Variants in KIAA0319L observed in about 807,000 individuals in gnomAD.
KIAA0319L encodes dyslexia-associated protein KIAA0319-like protein.
A neutral mutation model predicts 120.1 loss-of-function variants in KIAA0319L; 55 were observed. The ratio of observed to expected loss-of-function variants is 0.46; its 90% CI spans 0.37 to 0.57. The LOEUF is 0.57. KIAA0319L is among the 20% of genes least tolerant of loss of function. The probability of loss-of-function intolerance (pLI) is 0.00; values close to 1 mark genes in which losing one functional copy is unlikely to be tolerated. For missense variants in KIAA0319L, 1,049 were observed against 1,255.3 expected (o/e 0.84, Z 2.48); for synonymous variants, 398 against 471.9 (o/e 0.84, Z 2.03).
intron 2 of KIAA0319L, among the ~76,000 whole-genome samples, chr1:35,535,184 A>AGAG (rs1259659092): frequency 6.6e-6 from 1 of 152,024 alleles, no homozygotes; most frequent in Non-Finnish European, 1.5e-5. Flanking sequence ...TATAGGCAGA[A>AGAG]GAGTAGGGGA....
chr1:35,495,192 G>A (rs1187366854), intron 3 of KIAA0319L, among the ~76,000 whole-genome samples: 1 of 152,044 alleles, frequency 6.6e-6, no homozygotes, highest in African/African-American at 2.4e-5. Context: ...GGCCAACATG[G>A]TGAAACCCCA....
chr1:35,535,931 T>C (rs1017216017), intron 2 of KIAA0319L, among the ~76,000 whole-genome samples: 4 of 152,236 alleles, frequency 2.6e-5, no homozygotes, highest in Non-Finnish European at 5.9e-5. Context: ...GGAGCTTTCT[T>C]GTTAATTTTA....
rs16866290 is a variant in KIAA0319L at position 35,543,133 on chromosome 1, T to C, written c.142+11217A>G. On this transcript the variant is annotated intron_variant, in intron 2 of 20. Coordinates refer to ENST00000325722, the MANE Select transcript of KIAA0319L (RefSeq NM_024874.5). ...ATTTCACTGAGAGAGAGACCAACTT[T>C]AGCAAATTCTGATTGGCCTTACTTA... Among the ~76,000 whole-genome samples the C allele has an allele frequency of 9.6e-3, 1,456 of 152,354 alleles. 31 individuals carry two copies. Among genetic ancestry groups the C allele is most frequent in the African/African-American group, 0.033 (1,385 of 41,580 alleles).
intron 2 of KIAA0319L, among the ~76,000 whole-genome samples, chr1:35,513,295 T>A (rs1189090051): frequency 2.5e-3 from 323 of 130,240 alleles, no homozygotes; most frequent in African/African-American, 4.7e-3. Flanking sequence ...TATATTTTTT[T>A]TTTTTTTTTT....
intron 6 of KIAA0319L, among the ~76,000 whole-genome samples, chr1:35,467,846 T>C (rs1183893761): frequency 2.6e-5 from 4 of 151,956 alleles, no homozygotes; most frequent in Non-Finnish European, 4.4e-5. Context: ...GCACCACCAT[T>C]CCCAGCTAAT....
intron 3 of KIAA0319L, among the ~76,000 whole-genome samples, chr1:35,502,421 GTCATCATCATCATCATCA>G (rs138233952): frequency 1.3e-5 from 2 of 149,834 alleles, no homozygotes; most frequent in African/African-American, 2.5e-5. Context: ...TATTGCTGCT[GTCATCATCATCATCATCA>G]TCATCATCAT....
At chr1:35,491,206 CT>C (rs1205190178) in intron 3 of KIAA0319L, among the ~76,000 whole-genome samples, 2 of 152,028 alleles carry the variant, frequency 1.3e-5, no homozygotes, top group African/African-American at 4.8e-5. Flanking sequence ...CGAAAAAAGA[CT>C]GAAAATAAAC....
chr1:35,525,317 A>G (rs188670576), intron 2 of KIAA0319L, among the ~76,000 whole-genome samples: 1 of 152,318 alleles, frequency 6.6e-6, no homozygotes, highest in Admixed American at 6.5e-5. Flanking sequence ...GGGAGTGCAC[A>G]TATCCCTTTA....
Position 35,444,188 on chromosome 1 carries a change from A to G in KIAA0319L, c.2629T>C (p.Phe877Leu). The G allele has an allele frequency of 6.2e-7, 1 of 1,607,096 alleles. No individual in the cohort carries two copies. The highest frequency in any genetic ancestry group is 8.5e-7 in the Non-Finnish European group (1 of 1,177,310). Residue 877 changes from phenylalanine (F) to leucine (L), a missense_variant, in exon 17 of 21, where the codon TTC (phenylalanine) becomes CTC (leucine). By Grantham distance (22) the Phe-to-Leu change is conservative (BLOSUM62 0). Transcript: ENST00000325722. Reference protein sequence around the residue: ...LRKQKADFLIFRALEVNTVTC... With the variant: ...LRKQKADFLILRALEVNTVTC... Reference sequence around the variant, plus strand: ...ACAGTGTTGACTTCCAAGGCTCTGAATATCAAAAAGTCTGCCTTTTGCTTC... The same window carrying G: ...ACAGTGTTGACTTCCAAGGCTCTGAGTATCAAAAAGTCTGCCTTTTGCTTC...
intron 2 of KIAA0319L, among the ~76,000 whole-genome samples, chr1:35,508,853 T>C (rs969196516): frequency 2.6e-5 from 4 of 152,202 alleles, no homozygotes; most frequent in Non-Finnish European, 5.9e-5. Flanking sequence ...AGATGAAAAT[T>C]ATCTGTGCTT....
intron 2 of KIAA0319L, among the ~76,000 whole-genome samples, chr1:35,539,408 G>A (rs1182043883): frequency 1.3e-5 from 2 of 152,206 alleles, no homozygotes; most frequent in Non-Finnish European, 2.9e-5. Flanking sequence ...TTTCACAGAA[G>A]GCGTAATAGG....
At chr1:35,519,966 T>C (rs1164394069) in intron 2 of KIAA0319L, among the ~76,000 whole-genome samples, 3 of 152,190 alleles carry the variant, frequency 2.0e-5, no homozygotes, top group African/African-American at 7.2e-5. Flanking sequence ...TGATCCAACT[T>C]CACAGACTGA....
chr1:35,442,097 G>A lies in KIAA0319L; in HGVS notation c.2870+149C>T, dbSNP rs1641269063. On this transcript the variant is annotated intron_variant, in intron 19 of 20. Transcript: ENST00000325722. ...GGAGAGTCTCAGGGTGAGCAAAGCT[G>A]CCCGTGCATGCCTTAGGTGGGTCAG... 4.5e-6 allele frequency: 3 copies of A among 671,818 alleles called. No homozygotes were observed. Among genetic ancestry groups the A allele is most frequent in the Non-Finnish European group, 8.2e-6 (3 of 366,988 alleles). The allele number at this position is 671,818 out of a possible 1,614,324, so 41.6% of individuals were successfully genotyped here.
intron 16 of KIAA0319L, among the ~76,000 whole-genome samples, chr1:35,445,213 GC>G (rs1641529736): frequency 6.6e-6 from 1 of 152,082 alleles, no homozygotes; most frequent in Non-Finnish European, 1.5e-5. Context: ...CATTTTCCAG[GC>G]ATGCATGACA....
rs777167691 is a variant in KIAA0319L at position 35,451,621 on chromosome 1, G to A, written c.2062+7C>T. 6.2e-7 allele frequency: 1 copy of A among 1,613,600 alleles called. No individual in the cohort carries two copies. ...GGCTGCTACACAAACTGGAGGCAGAGAGGTACCTTCTTTGACAATGACATT... is the reference window on the plus strand; with the variant it reads ...GGCTGCTACACAAACTGGAGGCAGAAAGGTACCTTCTTTGACAATGACATT... On this transcript the variant is annotated splice_region_variant and intron_variant, in intron 13 of 20. Coordinates refer to ENST00000325722, the MANE Select transcript of KIAA0319L (RefSeq NM_024874.5).
rs376810768 is a variant in KIAA0319L at position 35,466,700 on chromosome 1, A to G, written c.1114-5T>C. On this transcript the variant is annotated splice_region_variant and splice_polypyrimidine_tract_variant and intron_variant, in intron 6 of 20. Transcript: ENST00000325722. ...TTCATACAGGCCTGGAGTGAGCTGC[A>G]GAAGTGAGAGAAGATCTCTTAGACA... is the stretch of plus-strand genomic sequence containing the variant. The G allele has an allele frequency of 4.4e-6, 7 of 1,578,800 alleles. No individual in the cohort carries two copies. The African/African-American group carries it at 6.7e-5, about 15-fold the overall frequency.
intron 16 of KIAA0319L, 147 bp from the exon 17 acceptor site, chr1:35,444,450 TATCAGG>T: frequency 1.4e-6 from 1 of 739,772 alleles, no homozygotes; most frequent in South Asian, 2.7e-5. Flanking sequence ...AGAAAGGTGT[TATCAGG>T]GTCATCTCCA....
At chr1:35,484,795 TATATATATATA>T (rs1471050876) in intron 3 of KIAA0319L, among the ~76,000 whole-genome samples, 5,393 of 59,602 alleles carry the variant, frequency 0.09, 193 homozygotes, top group South Asian at 0.17. Flanking sequence ...TATATATATA[TATATATATATA>T]TTTTTTTTTT....
At chr1:35,523,491 C>T (rs1394544574) in intron 2 of KIAA0319L, among the ~76,000 whole-genome samples, 1 of 152,114 alleles carries the variant, frequency 6.6e-6, no homozygotes, top group Non-Finnish European at 1.5e-5. Context: ...AACCAGATGG[C>T]CAGGTATCAG....
Sources: allele counts gnomAD v4.1 joint callset (sites outside exome capture counted in the v4.1 genomes callset), GRCh38; gene constraint gnomAD v4.1.1; transcripts MANE v1.5; gene names NCBI Gene and HGNC (gene_info 2026-07-23, HGNC 2026-07-21).